GRXCR1: variants seen among roughly 807,000 people sequenced by gnomAD.
The protein encoded by GRXCR1 is glutaredoxin and cysteine rich domain containing 1.
Under a neutral mutation model 27.3 loss-of-function variants are expected in GRXCR1, and 27 were observed. The observed-to-expected ratio is 0.99, with a 90% CI of 0.73 to 1.37. The LOEUF is 1.37. Ranked by LOEUF, GRXCR1 falls within the 40% of genes most tolerant of loss-of-function variation. The pLI, the probability that GRXCR1 is intolerant of heterozygous loss-of-function variation, is 0.00. For missense variants in GRXCR1, 379 were observed against 354.4 expected, an observed-to-expected ratio of 1.07 and a Z score of -0.56; for synonymous variants, 122 against 131.1, an observed-to-expected ratio of 0.93 and a Z score of 0.47.
intron 1 of GRXCR1, among the ~76,000 whole-genome samples, chr4:42,926,245 T>G (rs917475434): frequency 4.6e-5 from 7 of 152,046 alleles, no homozygotes; most frequent in African/African-American, 1.7e-4. Context: ...TTTCATTCTT[T>G]TTTTTCTTTT....
At chr4:42,906,771 C>T (rs1746605490) in intron 1 of GRXCR1, among the ~76,000 whole-genome samples, 1 of 152,146 alleles carries the variant, frequency 6.6e-6, no homozygotes, top group Non-Finnish European at 1.5e-5. Flanking sequence ...TCTTATAATA[C>T]TGTTTCTTTA....
chr4:42,954,350 G>A (rs1302871480), intron 1 of GRXCR1, among the ~76,000 whole-genome samples: 2 of 152,086 alleles, frequency 1.3e-5, no homozygotes. Flanking sequence ...CCTCTTCATG[G>A]TACATTTTAC....
chr4:42,951,303 A>G (rs185633867), intron 1 of GRXCR1, among the ~76,000 whole-genome samples: 15 of 152,266 alleles, frequency 9.9e-5, no homozygotes, highest in African/African-American at 3.6e-4. Context: ...TACATTGCAA[A>G]TGCTCATCTC....
chr4:42,999,989 TACTC>T (rs1367242327), intron 2 of GRXCR1, among the ~76,000 whole-genome samples: 4 of 152,222 alleles, frequency 2.6e-5, no homozygotes, highest in Admixed American at 6.5e-5. Context: ...TGGTTTCAGT[TACTC>T]ACAGTCAACT....
chr4:42,919,788 A>G (rs999215127), intron 1 of GRXCR1, among the ~76,000 whole-genome samples: 11 of 152,140 alleles, frequency 7.2e-5, no homozygotes, highest in Middle Eastern at 3.4e-3. Context: ...TTATATTTTG[A>G]GATTAAAATT....
chr4:42,907,985 A>G lies in GRXCR1; in HGVS notation c.384+14335A>G, dbSNP rs113691066. On this transcript the variant is annotated intron_variant, in intron 1 of 3. Coordinates refer to ENST00000399770, the MANE Select transcript of GRXCR1 (RefSeq NM_001080476.3). ...GCCATTGGCAATGTAGCACCACATA[A>G]TAACCACTGGTTTAGGTATAAGTGG... is the stretch of plus-strand genomic sequence containing the variant. Among the ~76,000 whole-genome samples the G allele has an allele frequency of 5.8e-3, 885 of 152,268 alleles. 8 individuals are homozygous for G. The highest frequency in any genetic ancestry group is 0.02 in the African/African-American group (844 of 41,550).
intron 1 of GRXCR1, among the ~76,000 whole-genome samples, chr4:42,949,083 C>A (rs1468706109): frequency 1.3e-5 from 2 of 152,060 alleles, no homozygotes; most frequent in Non-Finnish European, 2.9e-5. Context: ...GGGCCAGGCC[C>A]GGTGGCTCAC....
At chr4:43,021,834 T>G (rs568150905) in intron 3 of GRXCR1, among the ~76,000 whole-genome samples, 7 of 152,316 alleles carry the variant, frequency 4.6e-5, no homozygotes, top group African/African-American at 1.7e-4. Flanking sequence ...TAAAATGTTT[T>G]AAATCTCCTT....
At chr4:42,946,113 G>A (rs772571600) in intron 1 of GRXCR1, among the ~76,000 whole-genome samples, 5 of 152,118 alleles carry the variant, frequency 3.3e-5, no homozygotes, top group Non-Finnish European at 7.4e-5. Flanking sequence ...AGAGGCAAGA[G>A]CTATAAAATT....
chr4:42,986,405 C>A (rs377017944), intron 2 of GRXCR1, among the ~76,000 whole-genome samples: 1 of 152,138 alleles, frequency 6.6e-6, no homozygotes, highest in South Asian at 2.1e-4. Context: ...CCAGTCAATT[C>A]TCATCCATTT....
At chr4:42,933,100 G>A (rs28703039) in intron 1 of GRXCR1, among the ~76,000 whole-genome samples, 1,938 of 151,978 alleles carry the variant, frequency 0.013, 49 homozygotes, top group African/African-American at 0.044. Context: ...TAGGTAAAGA[G>A]AATTAGGCAG....
intron 2 of GRXCR1, among the ~76,000 whole-genome samples, chr4:42,985,751 C>T (rs1268647324): frequency 2.0e-5 from 3 of 152,016 alleles, no homozygotes; most frequent in Non-Finnish European, 2.9e-5. Context: ...ATCTAGGTTT[C>T]CTTTTAGAAA....
At chr4:42,906,087 A>G (rs1444379301) in intron 1 of GRXCR1, among the ~76,000 whole-genome samples, 1 of 151,866 alleles carries the variant, frequency 6.6e-6, no homozygotes, top group African/African-American at 2.4e-5. Flanking sequence ...TTTTTTTTAA[A>G]TCCATATTTT....
At chr4:42,970,038 ACCC>A (rs1560669185) in intron 2 of GRXCR1, among the ~76,000 whole-genome samples, 1 of 152,130 alleles carries the variant, frequency 6.6e-6, no homozygotes, top group Non-Finnish European at 1.5e-5. Flanking sequence ...CAAGTCCAAA[ACCC>A]AGCAGGGCAG....
Position 42,893,162 on chromosome 4 carries a change from C to A in GRXCR1, c.-105C>A. 1 of 1,207,930 alleles carries A rather than the reference C, an allele frequency of 8.3e-7. No homozygotes were observed. Among genetic ancestry groups the A allele is most frequent in the Middle Eastern group, 2.7e-4 (1 of 3,676 alleles). 74.8% of individuals were successfully genotyped at this position (1,207,930 alleles called of 1,614,324 possible). A position where few individuals can be genotyped will look rare whatever the true frequency, so the allele number is the denominator to read the frequency against. ...TTTTGATGTTAGTTTCACAGGAGTG[C>A]TGCCATCACTAGAATTGGCTCTGAT... On this transcript the variant is annotated 5_prime_UTR_variant, in exon 1 of 4. In the 5' UTR this introduces an upstream ATG that the reference lacks. Transcript: ENST00000399770.
At chr4:43,024,714 TA>T (rs376303105) in intron 3 of GRXCR1, among the ~76,000 whole-genome samples, 6 of 152,124 alleles carry the variant, frequency 3.9e-5, no homozygotes, top group African/African-American at 1.4e-4. Context: ...AGATTCTATT[TA>T]TTTTTTTAGC....
chr4:43,028,844 TC>T (rs1713335727), intron 3 of GRXCR1, among the ~76,000 whole-genome samples: 1 of 152,216 alleles, frequency 6.6e-6, no homozygotes, highest in African/African-American at 2.4e-5. Flanking sequence ...ATTCAATCTA[TC>T]TTTTTGGAAG....
At chr4:42,982,518 G>A (rs1188714889) in intron 2 of GRXCR1, among the ~76,000 whole-genome samples, 13 of 118,482 alleles carry the variant, frequency 1.1e-4, no homozygotes, top group Non-Finnish European at 1.9e-4. Flanking sequence ...ATAAACATAC[G>A]TGTGCATGTG....
chr4:42,966,815 A>G (rs1390509958), intron 2 of GRXCR1, among the ~76,000 whole-genome samples: 4 of 152,088 alleles, frequency 2.6e-5, no homozygotes, highest in South Asian at 2.1e-4. Flanking sequence ...TCTTTTTAAT[A>G]TGCTTATTGG....
Sources: allele counts gnomAD v4.1 joint callset (sites outside exome capture counted in the v4.1 genomes callset), GRCh38; gene constraint gnomAD v4.1.1; transcripts MANE v1.5; gene names NCBI Gene and HGNC (gene_info 2026-07-23, HGNC 2026-07-21).